ANKRD55: variants seen among roughly 807,000 people sequenced by gnomAD.
ANKRD55 encodes the protein ankyrin repeat domain-containing protein 55.
ANKRD55 carries 41 observed loss-of-function variants against 60.6 expected under a neutral mutation model. That is an observed-to-expected ratio of 0.68 (90% CI 0.53 to 0.88). The LOEUF (loss-of-function observed/expected upper bound fraction) is 0.88. Among genes scored for constraint, ANKRD55 ranks in the 40% least tolerant of loss-of-function variants. The pLI is 0.00. For synonymous variants in ANKRD55, 264 were observed against 290.3 expected (o/e 0.91, Z 0.92); for missense variants, 732 against 767.6 (o/e 0.95, Z 0.55).
chr5:56,219,288 A>AAAAG (rs1554044153), intron 2 of ANKRD55, among the ~76,000 whole-genome samples: 2,271 of 150,258 alleles, frequency 0.015, 47 homozygotes, highest in African/African-American at 0.053. Context: ...AAAAAAAAAA[A>AAAAG]AAAAGAAAAA....
At chr5:56,218,975 A>G (rs1759892820) in intron 2 of ANKRD55, among the ~76,000 whole-genome samples, 1 of 152,184 alleles carries the variant, frequency 6.6e-6, no homozygotes, top group Non-Finnish European at 1.5e-5. Flanking sequence ...GTTTGAAATT[A>G]TTTTTGAAAA....
intron 2 of ANKRD55, among the ~76,000 whole-genome samples, chr5:56,191,917 G>T (rs916696859): frequency 6.6e-6 from 1 of 152,198 alleles, no homozygotes; most frequent in African/African-American, 2.4e-5. Flanking sequence ...ACTGTACAGA[G>T]AATTTCTATA....
At chr5:56,223,502 A>C (rs1183800153) in intron 2 of ANKRD55, among the ~76,000 whole-genome samples, 1 of 152,210 alleles carries the variant, frequency 6.6e-6, no homozygotes, top group Non-Finnish European at 1.5e-5. Context: ...CACACATAAC[A>C]ATATTAACCT....
intron 9 of ANKRD55, among the ~76,000 whole-genome samples, chr5:56,112,880 A>G (rs1261185042): frequency 6.6e-6 from 1 of 152,352 alleles, no homozygotes; most frequent in East Asian, 1.9e-4. Flanking sequence ...TTGGATGCAT[A>G]TAATGAATGT....
chr5:56,130,587 G>A (rs541898520), intron 7 of ANKRD55, among the ~76,000 whole-genome samples: 3 of 152,208 alleles, frequency 2.0e-5, no homozygotes, highest in South Asian at 2.1e-4. Flanking sequence ...TCTGGCTATC[G>A]AGAAAAAATT....
At chr5:56,188,364 A>AC (rs1759022231) in intron 2 of ANKRD55, among the ~76,000 whole-genome samples, 1 of 123,838 alleles carries the variant, frequency 8.1e-6, no homozygotes, top group South Asian at 3.0e-4. Flanking sequence ...CCACCCCCCT[A>AC]CAACCAAAAA....
At chr5:56,217,456 A>G (rs2111883247) in intron 2 of ANKRD55, among the ~76,000 whole-genome samples, 1 of 152,312 alleles carries the variant, frequency 6.6e-6, no homozygotes, top group Non-Finnish European at 1.5e-5. Context: ...TATGATATAC[A>G]TTTTGCAAGG....
intron 2 of ANKRD55, among the ~76,000 whole-genome samples, chr5:56,184,933 A>C (rs1758935960): frequency 6.6e-6 from 1 of 151,838 alleles, no homozygotes; most frequent in Non-Finnish European, 1.5e-5. Flanking sequence ...ACTATGGGTC[A>C]AGTGGGGCTG....
rs1178842840 is a variant in ANKRD55, at chr5:56,118,745, AAAG to A, written c.798-1966_798-1964del. On this transcript the variant is annotated intron_variant, in intron 8 of 11. Coordinates refer to ENST00000341048, the MANE Select transcript of ANKRD55 (RefSeq NM_024669.3). ...AAAAGATCAGAATAGACATTTCGTC[AAAG>A]AAGATATATGGATGGTAAATAAGCA... Among the ~76,000 whole-genome samples the A allele has an allele frequency of 2.6e-5, 4 of 152,364 alleles. No homozygotes were observed. The East Asian group carries it at 7.7e-4, about 29-fold the overall frequency.
intron 5 of ANKRD55, chr5:56,162,174 AC>A: frequency 3.4e-6 from 1 of 296,718 alleles, no homozygotes; most frequent in Non-Finnish European, 5.0e-6. Flanking sequence ...CTGTAGCCAG[AC>A]AGGATCTTCT....
chr5:56,224,796 C>T (rs1402522794), intron 2 of ANKRD55, among the ~76,000 whole-genome samples: 1 of 152,154 alleles, frequency 6.6e-6, no homozygotes, highest in Non-Finnish European at 1.5e-5. Context: ...GAAGTTGAAT[C>T]CTTGAATAGG....
chr5:56,100,682 C>T (rs1756245152), intron 11 of ANKRD55, among the ~76,000 whole-genome samples: 1 of 152,200 alleles, frequency 6.6e-6, no homozygotes, highest in African/African-American at 2.4e-5. Context: ...AAAAGGCTCT[C>T]AGGCTTCTTT....
chr5:56,225,365 A>G (rs1581033650), intron 2 of ANKRD55, among the ~76,000 whole-genome samples: 1 of 152,216 alleles, frequency 6.6e-6, no homozygotes, highest in African/African-American at 2.4e-5. Flanking sequence ...TGATAAACCC[A>G]CAGCCAATAT....
chr5:56,101,098 C>CA (rs1276618142), intron 11 of ANKRD55, among the ~76,000 whole-genome samples: 1 of 152,164 alleles, frequency 6.6e-6, no homozygotes, highest in African/African-American at 2.4e-5. Flanking sequence ...TGCCAAAAGA[C>CA]AGAGTTGTAC....
intron 2 of ANKRD55, among the ~76,000 whole-genome samples, chr5:56,204,141 C>T (rs759683034): frequency 6.6e-6 from 1 of 152,074 alleles, no homozygotes; most frequent in Non-Finnish European, 1.5e-5. Context: ...TGAGAAGTGT[C>T]TGTTCATATC....
intron 2 of ANKRD55, among the ~76,000 whole-genome samples, chr5:56,205,170 C>T (rs1188990879): frequency 6.6e-6 from 1 of 152,150 alleles, no homozygotes; most frequent in Non-Finnish European, 1.5e-5. Context: ...GAACCATTCT[C>T]CTGCCTCAGC....
At chr5:56,204,266 T>G (rs1052110094) in intron 2 of ANKRD55, among the ~76,000 whole-genome samples, 4 of 152,194 alleles carry the variant, frequency 2.6e-5, no homozygotes, top group Non-Finnish European at 4.4e-5. Flanking sequence ...TTTCTCCCAT[T>G]TTGTAGGTTG....
chr5:56,156,205 G>C lies in ANKRD55; in HGVS notation c.483+3628C>G, dbSNP rs116453358. ...AGCAGGCTGTGAATGGACCAAAGAG[G>C]AAGCTGTGACCATGGGTAGGAAGTG... is the stretch of plus-strand genomic sequence containing the variant. On this transcript the variant is annotated intron_variant, in intron 6 of 11. Transcript: ENST00000341048. Among the ~76,000 whole-genome samples, 960 of 152,310 alleles carry C rather than the reference G, an allele frequency of 6.3e-3. 12 individuals are homozygous for C. Among genetic ancestry groups the C allele is most frequent in the African/African-American group, 0.021 (877 of 41,550 alleles).
chr5:56,124,628 C>G (rs1757182292), intron 8 of ANKRD55, among the ~76,000 whole-genome samples: 1 of 152,146 alleles, frequency 6.6e-6, no homozygotes, highest in Non-Finnish European at 1.5e-5. Context: ...CTGCCTCAGC[C>G]TCCGGAGTAG....
Sources: allele counts gnomAD v4.1 joint callset (sites outside exome capture counted in the v4.1 genomes callset), GRCh38; gene constraint gnomAD v4.1.1; transcripts MANE v1.5; gene names NCBI Gene and HGNC (gene_info 2026-07-23, HGNC 2026-07-21).